Variants in SPCS3 observed in about 807,000 individuals in gnomAD.
The protein encoded by SPCS3 is SPase 22 kDa subunit.
In SPCS3, 9 loss-of-function variants were observed where a neutral mutation model predicts 17.2. The observed-to-expected ratio is 0.52, with a 90% CI of 0.31 to 0.91. The LOEUF is 0.91. Ranked by LOEUF, SPCS3 falls within the 40% of genes least tolerant of loss-of-function variation. The pLI is 0.04. For missense variants in SPCS3, 139 were observed against 217.5 expected (o/e 0.64, Z 2.27); for synonymous variants, 87 against 89.6 (o/e 0.97, Z 0.16).
Position 176,330,660 on chromosome 4 carries a change from T to C in SPCS3, c.*2330T>C, listed in dbSNP as rs187142786. On this transcript the variant is annotated 3_prime_UTR_variant, in exon 5 of 5. Transcript: ENST00000503362. ...AGTTTCTACATTTAAAAAATTGACT[T>C]GTGTTCAGTTTGATAACCAGTTCAT... 1 of 152,164 alleles carries C rather than the reference T, an allele frequency of 6.6e-6. No homozygotes were observed. The highest frequency in any genetic ancestry group is 1.5e-5 in the Non-Finnish European group (1 of 68,016). 9.4% of individuals were successfully genotyped at this position (152,164 alleles called of 1,614,324 possible).
chr4:176,328,025 C>T (rs1239076084), intron 4 of SPCS3, among the ~76,000 whole-genome samples, 173 bp from the exon 5 acceptor site: 1 of 152,160 alleles, frequency 6.6e-6, no homozygotes, highest in Non-Finnish European at 1.5e-5. Flanking sequence ...TAGCATTGTC[C>T]TTGGATTTTA....
chr4:176,326,995 T>G lies in SPCS3; in HGVS notation c.295-167T>G, dbSNP rs566305095. 1.3e-5 allele frequency: 6 copies of G among 449,708 alleles called. No individual in the cohort carries two copies. In the Admixed American group the frequency reaches 2.2e-4, roughly 17 times the overall value. 27.9% of individuals were successfully genotyped at this position (449,708 alleles called of 1,614,324 possible). ...TTCTCTCTGAGAAAAGTTTGCCCCT[T>G]TTTTGTATCTCTCTCTTTGCTATCA... On this transcript the variant is annotated intron_variant, in intron 3 of 4. Coordinates refer to ENST00000503362, the MANE Select transcript of SPCS3 (RefSeq NM_021928.4).
At position 176,330,454 on chromosome 4, in the gene SPCS3, A is replaced by G. The variant is rs750663190; in HGVS notation, c.*2124A>G. ...GAGATTAATGTTGAAATTTACTTGAATTACAGTTATTTGACAAGCCCACTT... is the reference window on the plus strand; with the variant it reads ...GAGATTAATGTTGAAATTTACTTGAGTTACAGTTATTTGACAAGCCCACTT... On this transcript the variant is annotated 3_prime_UTR_variant, in exon 5 of 5. Transcript: ENST00000503362. 2.0e-5 allele frequency: 3 copies of G among 152,186 alleles called. No individual in the cohort carries two copies. The highest frequency in any genetic ancestry group is 2.9e-5 in the Non-Finnish European group (2 of 68,006). The allele number at this position is 152,186 out of a possible 1,614,324, so 9.4% of individuals were successfully genotyped here. A position where few individuals can be genotyped will look rare whatever the true frequency, so the allele number is the denominator to read the frequency against.
chr4:176,327,314 G>A, intron 4 of SPCS3, 37 bp downstream of exon 4: 3 of 1,246,710 alleles, frequency 2.4e-6, no homozygotes, highest in South Asian at 3.1e-5. Context: ...CATTTAATAA[G>A]AGGTGAAAAA....
Position 176,322,163 on chromosome 4 carries a change from T to G in SPCS3, c.144-7T>G. 6.3e-7 allele frequency: 1 copy of G among 1,582,212 alleles called. No homozygotes were observed. The highest frequency in any genetic ancestry group is 8.7e-7 in the Non-Finnish European group (1 of 1,152,424). ...AAGGATGGTAAAACTTTTATCTTTA[T>G]TCCTAGAAAAAATGTAGAAGATTTC... On this transcript the variant is annotated splice_region_variant and splice_polypyrimidine_tract_variant and intron_variant, in intron 1 of 4. Transcript: ENST00000503362.
chr4:176,332,175 G>A lies in SPCS3; in HGVS notation c.*3845G>A, dbSNP rs991470052. The A allele has an allele frequency of 6.6e-6, 1 of 152,270 alleles. No homozygotes were observed. Among genetic ancestry groups the A allele is most frequent in the Non-Finnish European group, 1.5e-5 (1 of 68,062 alleles). The allele number at this position is 152,270 out of a possible 1,614,324, so 9.4% of individuals were successfully genotyped here. A position where few individuals can be genotyped will look rare whatever the true frequency, so the allele number is the denominator to read the frequency against. ...AGGGCAGTCTGTCAGATTTATCTTT[G>A]TATCTTCCCCAGCGCCTAGTGTAGT... On this transcript the variant is annotated 3_prime_UTR_variant, in exon 5 of 5. Coordinates refer to ENST00000503362, the MANE Select transcript of SPCS3 (RefSeq NM_021928.4).
Position 176,330,118 on chromosome 4 carries a change from T to C in SPCS3, c.*1788T>C, listed in dbSNP as rs1333506235. The C allele has an allele frequency of 6.6e-6, 1 of 152,220 alleles. No homozygotes were observed. The highest frequency in any genetic ancestry group is 1.5e-5 in the Non-Finnish European group (1 of 68,020). 9.4% of individuals were successfully genotyped at this position (152,220 alleles called of 1,614,324 possible). ...TTACACCACACAAGTTGATAAAATT[T>C]ATCTGTTCAGCAAAGAGATTGAACA... On this transcript the variant is annotated 3_prime_UTR_variant, in exon 5 of 5. Transcript: ENST00000503362.
Position 176,322,729 on chromosome 4 carries a change from G to A in SPCS3, c.217+486G>A, listed in dbSNP as rs147886684. Among the ~76,000 whole-genome samples the A allele has an allele frequency of 9.4e-3, 1,427 of 152,124 alleles. 18 individuals carry two copies. Among genetic ancestry groups the A allele is most frequent in the African/African-American group, 0.03 (1,259 of 41,504 alleles). On this transcript the variant is annotated intron_variant, in intron 2 of 4. Transcript: ENST00000503362. Reference sequence around the variant, plus strand: ...TGGTAACCTGTGGTTGCTTTTTGCCGTCATAACTCTTTTTATAAGGACTTT... The same window carrying A: ...TGGTAACCTGTGGTTGCTTTTTGCCATCATAACTCTTTTTATAAGGACTTT...
At position 176,332,068 on chromosome 4, in the gene SPCS3, G is replaced by C. The variant is rs540673345; in HGVS notation, c.*3738G>C. The C allele has an allele frequency of 1.3e-5, 2 of 152,192 alleles. No individual in the cohort carries two copies. The highest frequency in any genetic ancestry group is 1.9e-4 in the East Asian group (1 of 5,192). The allele number at this position is 152,192 out of a possible 1,614,324, so 9.4% of individuals were successfully genotyped here. On this transcript the variant is annotated 3_prime_UTR_variant, in exon 5 of 5. Coordinates refer to ENST00000503362, the MANE Select transcript of SPCS3 (RefSeq NM_021928.4). Reference sequence around the variant, plus strand: ...GTAGGTTTTTTCTTTTTTTTTGTGGGGGTGGGATGGGGGAGGTTAGTTACA... The same window carrying C: ...GTAGGTTTTTTCTTTTTTTTTGTGGCGGTGGGATGGGGGAGGTTAGTTACA...
chr4:176,331,291 A>C lies in SPCS3; in HGVS notation c.*2961A>C, dbSNP rs1189017000. ...GGATCTTTCGGGTATATGTCAATGG[A>C]GGTATTATTTTATAATACTTTGCAT... On this transcript the variant is annotated 3_prime_UTR_variant, in exon 5 of 5. Transcript: ENST00000503362. 6.6e-6 allele frequency: 1 copy of C among 152,076 alleles called. No individual in the cohort carries two copies. Among genetic ancestry groups the C allele is most frequent in the Non-Finnish European group, 1.5e-5 (1 of 68,014 alleles). The allele number at this position is 152,076 out of a possible 1,614,324, so 9.4% of individuals were successfully genotyped here.
intron 1 of SPCS3, 53 bp downstream of exon 1, chr4:176,320,272 A>G: frequency 1.5e-6 from 2 of 1,332,354 alleles, no homozygotes; most frequent in Non-Finnish European, 1.9e-6. Flanking sequence ...CTGGGGCGGA[A>G]GCCGAAGCCG....
chr4:176,322,872 G>A (rs904287375), intron 2 of SPCS3, among the ~76,000 whole-genome samples: 2 of 152,072 alleles, frequency 1.3e-5, no homozygotes, highest in African/African-American at 4.8e-5. Context: ...GGCCAGGCTA[G>A]TCTTTTTTAG....
chr4:176,324,755 A>G (rs1731581386), intron 3 of SPCS3, among the ~76,000 whole-genome samples: 1 of 152,250 alleles, frequency 6.6e-6, no homozygotes, highest in Non-Finnish European at 1.5e-5. Flanking sequence ...AGTGGCTTAA[A>G]AAGATTTCTG....
chr4:176,322,144 G>A, intron 1 of SPCS3, 26 bp from the exon 2 acceptor site: 2 of 1,464,026 alleles, frequency 1.4e-6, no homozygotes, highest in South Asian at 1.1e-5. Flanking sequence ...TTGGAAGGAT[G>A]GTAAAACTTT....
At chr4:176,323,492 A>T (rs1489771242) in intron 2 of SPCS3, among the ~76,000 whole-genome samples, 1 of 152,184 alleles carries the variant, frequency 6.6e-6, no homozygotes, top group East Asian at 1.9e-4. Flanking sequence ...CAAATGTGTT[A>T]CTACCAGTGT....
intron 2 of SPCS3, 51 bp downstream of exon 2, chr4:176,322,294 A>G: frequency 8.1e-7 from 1 of 1,237,000 alleles, no homozygotes; most frequent in Non-Finnish European, 1.2e-6. Flanking sequence ...TTATAATGAG[A>G]TATGTGTTGT....
At chr4:176,325,630 A>G (rs902273152) in intron 3 of SPCS3, among the ~76,000 whole-genome samples, 4 of 152,056 alleles carry the variant, frequency 2.6e-5, no homozygotes, top group African/African-American at 7.2e-5. Context: ...TATAGCTACA[A>G]TTAATTAATA....
In SPCS3 at chr4:176,328,325, T is replaced by G; in HGVS notation, c.538T>G (p.Tyr180Asp). 6.3e-7 allele frequency: 1 copy of G among 1,583,914 alleles called. No individual in the cohort carries two copies. The highest frequency in any genetic ancestry group is 8.6e-7 in the Non-Finnish European group (1 of 1,165,142). ...FPDTYEITKS[Y>D] ...AGATACATATGAAATAACGAAGAGT[T>G]ATTAAATTATTCTGAATTTGAAACA... Residue 180 changes from tyrosine to aspartate, a missense_variant, in exon 5 of 5, where the codon TAT (tyrosine) becomes GAT (aspartate). Transcript: ENST00000503362.
chr4:176,327,992 G>A (rs989539922), intron 4 of SPCS3, among the ~76,000 whole-genome samples: 1 of 152,202 alleles, frequency 6.6e-6, no homozygotes, highest in African/African-American at 2.4e-5. Context: ...TGGGATATCA[G>A]TAAATGTAGT....
Sources: allele counts gnomAD v4.1 joint callset (sites outside exome capture counted in the v4.1 genomes callset), GRCh38; gene constraint gnomAD v4.1.1; transcripts MANE v1.5; gene names NCBI Gene and HGNC (gene_info 2026-07-23, HGNC 2026-07-21).